Variants in SOCS6 observed in about 807,000 individuals in gnomAD.
SOCS6 encodes suppressor of cytokine signaling 6.
In SOCS6, 5 loss-of-function variants were observed where a neutral mutation model predicts 27.7. The observed-to-expected ratio is 0.18, with a 90% CI of 0.09 to 0.38. The LOEUF is 0.38. SOCS6 is among the 10% of genes least tolerant of loss of function. The pLI is 1.00. For synonymous variants in SOCS6, 271 were observed against 260.0 expected, an observed-to-expected ratio of 1.04 and a Z score of -0.41; for missense variants, 595 against 688.1, an observed-to-expected ratio of 0.86 and a Z score of 1.51.
intron 1 of SOCS6, among the ~76,000 whole-genome samples, chr18:70,307,148 A>C (rs1458793948): frequency 6.6e-6 from 1 of 152,154 alleles, no homozygotes; most frequent in African/African-American, 2.4e-5. Flanking sequence ...CTGTAGTCCC[A>C]GCTATTTGGG....
At chr18:70,321,898 T>A (rs541764318) in intron 1 of SOCS6, among the ~76,000 whole-genome samples, 8 of 152,190 alleles carry the variant, frequency 5.3e-5, no homozygotes, top group Non-Finnish European at 1.2e-4. Context: ...AATTCCAGTC[T>A]CTCTGATAAC....
Position 70,325,787 on chromosome 18 carries a change from A to G in SOCS6, c.1119A>G (p.Thr373=), listed in dbSNP as rs1171467860. The change falls in exon 2 of 2, where the codon ACA becomes ACG. Residue 373 remains threonine (T), a synonymous_variant. Transcript: ENST00000397942. This position sits in a 1 kb window ranked among gnomAD's most constrained non-coding sequence, Gnocchi z 6.3. ...SSGPMVVTSL[T]EELKKLAKQG... The stretch of plus-strand genomic sequence containing the variant: ...GTCCCATGGTTGTGACAAGCCTTAC[A>G]GAGGAGCTGAAAAAACTTGCAAAGC... 3.7e-6 allele frequency: 6 copies of G among 1,614,246 alleles called. No homozygotes were observed. The South Asian group carries it at 6.6e-5, about 18-fold the overall frequency.
intron 1 of SOCS6, among the ~76,000 whole-genome samples, chr18:70,303,002 A>G (rs2146269969): frequency 6.6e-6 from 1 of 152,324 alleles, no homozygotes; most frequent in South Asian, 2.1e-4. Context: ...CCTTTAAAAA[A>G]AAGTAAGAAC....
At position 70,328,636 on chromosome 18, in the gene SOCS6, A is replaced by G. The variant is rs891501185; in HGVS notation, c.*2360A>G. 2.3e-4 allele frequency: 38 copies of G among 166,920 alleles called. No homozygotes were observed. Among genetic ancestry groups the G allele is most frequent in the African/African-American group, 8.9e-4 (37 of 41,424 alleles). 10.3% of individuals were successfully genotyped at this position (166,920 alleles called of 1,614,324 possible). Reference sequence around the variant, plus strand: ...ACTTTAATATGCCCTATTCTAATCTAGTTTGAAATTGTTAGATTCTGATAG... The same window carrying G: ...ACTTTAATATGCCCTATTCTAATCTGGTTTGAAATTGTTAGATTCTGATAG... On this transcript the variant is annotated 3_prime_UTR_variant, in exon 2 of 2. Transcript: ENST00000397942.
intron 1 of SOCS6, among the ~76,000 whole-genome samples, chr18:70,310,279 G>A (rs2062385205): frequency 8.1e-6 from 1 of 124,032 alleles, no homozygotes; most frequent in Non-Finnish European, 1.8e-5. Flanking sequence ...TTTCATAAAT[G>A]GTTTTTTTTT....
At chr18:70,309,510 C>A (rs760008735) in intron 1 of SOCS6, among the ~76,000 whole-genome samples, 1 of 152,026 alleles carries the variant, frequency 6.6e-6, no homozygotes, top group Admixed American at 6.6e-5. Flanking sequence ...CCTCTCTTGA[C>A]GTTTTATTTT....
At chr18:70,289,605 CTCGGGG>C (rs1486511527) in intron 1 of SOCS6, among the ~76,000 whole-genome samples, 1 of 144,054 alleles carries the variant, frequency 6.9e-6, no homozygotes, top group African/African-American at 2.5e-5. Context: ...CGGGCTCGGG[CTCGGGG>C]TCGGGGCGCG....
At chr18:70,295,720 C>G (rs1046814750) in intron 1 of SOCS6, among the ~76,000 whole-genome samples, 1 of 152,142 alleles carries the variant, frequency 6.6e-6, no homozygotes, top group East Asian at 1.9e-4. Context: ...ATATTTGCAG[C>G]AGAATTACTG....
At chr18:70,311,975 T>C (rs183860487) in intron 1 of SOCS6, among the ~76,000 whole-genome samples, 1 of 152,334 alleles carries the variant, frequency 6.6e-6, no homozygotes, top group Admixed American at 6.5e-5. Context: ...CCTCTCTGTA[T>C]TTCAGCTTCC....
chr18:70,308,698 C>T (rs2062378746), intron 1 of SOCS6, among the ~76,000 whole-genome samples: 1 of 152,118 alleles, frequency 6.6e-6, no homozygotes, highest in Non-Finnish European at 1.5e-5. Flanking sequence ...TTGTCTGTGT[C>T]TCCTTTCAGT....
chr18:70,297,131 C>T (rs894996762), intron 1 of SOCS6, among the ~76,000 whole-genome samples: 1 of 151,956 alleles, frequency 6.6e-6, no homozygotes, highest in Non-Finnish European at 1.5e-5. Flanking sequence ...CTTTTTTAAA[C>T]AAATAGCATC....
At chr18:70,291,276 G>T (rs2062298189) in intron 1 of SOCS6, among the ~76,000 whole-genome samples, 1 of 152,052 alleles carries the variant, frequency 6.6e-6, no homozygotes, top group African/African-American at 2.4e-5. Flanking sequence ...CTGGCTGATT[G>T]TTTTTTGGAG....
Position 70,325,273 on chromosome 18 carries a change from A to G in SOCS6, c.605A>G (p.His202Arg), listed in dbSNP as rs1911156160. ...TCGGCTTCTCATAATGGAGACCTGC[A>G]TCTTCACCTGGATGAACATGTGCCT... is the stretch of plus-strand genomic sequence containing the variant. ...KSSASHNGDL[H>R]LHLDEHVPVV... The change falls in exon 2 of 2, where the codon CAT becomes CGT. Residue 202 changes from histidine to arginine, a missense_variant. His to Arg is a conservative substitution (Grantham distance 29). Transcript: ENST00000397942. The surrounding 1 kb of genome is among the most constrained non-coding windows in gnomAD (Gnocchi z 6.3). The G allele has an allele frequency of 6.2e-7, 1 of 1,614,112 alleles. No homozygotes were observed. Among genetic ancestry groups the G allele is most frequent in the African/African-American group, 1.3e-5 (1 of 74,940 alleles).
Position 70,324,935 on chromosome 18 carries a change from C to T in SOCS6, c.267C>T (p.Gly89=). The T allele has an allele frequency of 6.2e-7, 1 of 1,614,194 alleles. No individual in the cohort carries two copies. The highest frequency in any genetic ancestry group is 8.5e-7 in the Non-Finnish European group (1 of 1,180,032). The change falls in exon 2 of 2, where the codon GGC becomes GGT. Residue 89 remains glycine (G), a synonymous_variant. Coordinates refer to ENST00000397942, the MANE Select transcript of SOCS6 (RefSeq NM_004232.4). ...RRLSAKQKSK[G]KAGTPSGSSA... ...TTTCTGCAAAACAGAAGTCAAAAGG[C>T]AAGGCGGGCACACCCTCTGGGAGCT...
intron 1 of SOCS6, among the ~76,000 whole-genome samples, chr18:70,317,554 T>TACAC (rs369682234): frequency 0.16 from 22,363 of 139,052 alleles, 2,050 homozygotes; most frequent in Middle Eastern, 0.26. Flanking sequence ...CATATATACA[T>TACAC]ACACACACAC....
rs149963277 is a variant in SOCS6 at position 70,297,475 on chromosome 18, C to T, written c.-127+8385C>T. 5.5e-3 allele frequency among the ~76,000 whole-genome samples: 844 copies of T among 152,166 alleles called. 9 individuals carry two copies. The highest frequency in any genetic ancestry group is 0.016 in the South Asian group (77 of 4,826). On this transcript the variant is annotated intron_variant, in intron 1 of 1. Coordinates refer to ENST00000397942, the MANE Select transcript of SOCS6 (RefSeq NM_004232.4). The stretch of plus-strand genomic sequence containing the variant: ...ATAAAAGTAGTGTTTTCAGTTAGTG[C>T]TCTCATGAAGCCACATCTGTGTCAC...
intron 1 of SOCS6, among the ~76,000 whole-genome samples, chr18:70,315,717 A>G (rs2062408643): frequency 6.6e-6 from 1 of 152,130 alleles, no homozygotes; most frequent in African/African-American, 2.4e-5. Flanking sequence ...CTGGGGGTTT[A>G]TAATTAGCGA....
intron 1 of SOCS6, among the ~76,000 whole-genome samples, chr18:70,293,819 G>A (rs373442585): frequency 2.6e-5 from 4 of 152,138 alleles, no homozygotes; most frequent in African/African-American, 7.2e-5. Flanking sequence ...ATAGCCGGGC[G>A]CGGTGGCTCG....
chr18:70,312,188 T>TA lies in SOCS6; in HGVS notation c.-126-12354dup, dbSNP rs374029609. ...GGAGCCAGAATATAGTACGTGAACT[T>TA]ACGCAGTCTGGTTCCACAGTGCACA... On this transcript the variant is annotated intron_variant, in intron 1 of 1. Transcript: ENST00000397942. Among the ~76,000 whole-genome samples the TA allele has an allele frequency of 1.5e-3, 225 of 152,342 alleles. 1 individual carries two copies. The highest frequency in any genetic ancestry group is 5.1e-3 in the African/African-American group (213 of 41,570).
Sources: gnomAD v4.1 joint callset for allele counts (sites outside exome capture counted in the v4.1 genomes callset) on GRCh38, gnomAD v4.1.1 for gene constraint, Gnocchi (gnomAD v3.1) non-coding constraint, MANE v1.5 for transcripts, NCBI Gene and HGNC (gene_info 2026-07-23, HGNC 2026-07-21) for gene names.